Variants in KDM5A observed in about 807,000 individuals in gnomAD.
KDM5A encodes lysine demethylase 5A.
KDM5A carries 42 observed loss-of-function variants against 193.5 expected under a neutral mutation model. The ratio of observed to expected loss-of-function variants is 0.22; its 90% CI spans 0.17 to 0.28. KDM5A has a LOEUF of 0.28. Ranked by LOEUF, KDM5A falls within the 10% of genes least tolerant of loss-of-function variation. The pLI is 1.00. For missense variants in KDM5A, 1,692 were observed against 2,055.1 expected, an observed-to-expected ratio of 0.82 and a Z score of 3.42; for synonymous variants, 796 against 718.1, an observed-to-expected ratio of 1.11 and a Z score of -1.73.
intron 3 of KDM5A, among the ~76,000 whole-genome samples, chr12:368,836 C>T (rs1249926009): frequency 1.3e-5 from 2 of 152,168 alleles, no homozygotes; most frequent in Non-Finnish European, 2.9e-5. Context: ...GGTGCCTACA[C>T]CTCGTTATGA....
At chr12:310,687 C>T (rs902849805) in intron 21 of KDM5A, among the ~76,000 whole-genome samples, 198 bp downstream of exon 21, 1 of 152,092 alleles carries the variant, frequency 6.6e-6, no homozygotes, top group African/African-American at 2.4e-5. Context: ...CAAGCCAAGG[C>T]CGACTGCTTT....
chr12:289,899 C>CTT lies in KDM5A; in HGVS notation c.4866+2858_4866+2859dup, dbSNP rs1195329962. On this transcript the variant is annotated intron_variant, in intron 27 of 27. Coordinates refer to ENST00000399788, the MANE Select transcript of KDM5A (RefSeq NM_001042603.3). ...ACTGGGCTAAAAAGCATGATTTTTT[C>CTT]TTTCTTTCTTTTTTTTTTTTTTTTT... Among the ~76,000 whole-genome samples, 111 of 78,162 alleles carry CTT rather than the reference C, an allele frequency of 1.4e-3. 1 individual carries two copies. Among genetic ancestry groups the CTT allele is most frequent in the African/African-American group, 4.8e-3 (109 of 22,674 alleles). 51.3% of individuals were successfully genotyped at this position (78,162 alleles called of 152,430 possible).
intron 10 of KDM5A, among the ~76,000 whole-genome samples, chr12:340,044 T>C (rs1943981059): frequency 6.6e-6 from 1 of 151,754 alleles, no homozygotes; most frequent in South Asian, 2.1e-4. Context: ...CCCAGCTAAT[T>C]TTTGTATTTA....
intron 10 of KDM5A, among the ~76,000 whole-genome samples, chr12:336,852 T>A (rs1177726927): frequency 7.3e-5 from 11 of 151,260 alleles, no homozygotes; most frequent in Admixed American, 7.3e-4. Flanking sequence ...AAAAAAAAGT[T>A]ACAATACAAG....
chr12:384,734 C>T (rs1860360), intron 2 of KDM5A, among the ~76,000 whole-genome samples: 119,981 of 152,230 alleles, frequency 0.79, 47,510 homozygotes, highest in African/African-American at 0.85. Context: ...TGGTTTAACT[C>T]TATGCTGATC....
Position 280,930 on chromosome 12 carries a change from T to C in KDM5A, c.*4526A>G. ...TTTATTTTATAGTTAGCAAATGAAA[T>C]TAGAAACTGCTTTGGCACAGGTCAA... is the stretch of plus-strand genomic sequence containing the variant. On this transcript the variant is annotated 3_prime_UTR_variant, in exon 28 of 28. Coordinates refer to ENST00000399788, the MANE Select transcript of KDM5A (RefSeq NM_001042603.3). 4.3e-6 allele frequency: 1 copy of C among 233,038 alleles called. No individual in the cohort carries two copies. The highest frequency in any genetic ancestry group is 8.5e-6 in the Non-Finnish European group (1 of 117,910). The allele number at this position is 233,038 out of a possible 1,614,324, so 14.4% of individuals were successfully genotyped here.
intron 3 of KDM5A, among the ~76,000 whole-genome samples, chr12:381,545 G>A (rs1178551668): frequency 6.6e-6 from 1 of 151,590 alleles, no homozygotes. Context: ...TTCTTAAGAT[G>A]AATTTTTATC....
intron 9 of KDM5A, 33 bp downstream of exon 9, chr12:352,172 T>TCCCC: frequency 9.5e-7 from 1 of 1,056,394 alleles, no homozygotes; most frequent in Non-Finnish European, 1.4e-6. Flanking sequence ...TCTTTGTACC[T>TCCCC]CCCCGGACCG....
chr12:288,908 A>G (rs1943253449), intron 27 of KDM5A, among the ~76,000 whole-genome samples: 1 of 152,236 alleles, frequency 6.6e-6, no homozygotes, highest in Non-Finnish European at 1.5e-5. Context: ...CTAGCTCAAC[A>G]TCATGCGCGT....
At chr12:305,043 A>G (rs973423873) in intron 24 of KDM5A, among the ~76,000 whole-genome samples, 2 of 152,188 alleles carry the variant, frequency 1.3e-5, no homozygotes, top group African/African-American at 4.8e-5. Flanking sequence ...TTAAGAATGT[A>G]CCGCTGTGTG....
In KDM5A at chr12:384,127, G is replaced by C; in HGVS notation, c.270C>G (p.Phe90Leu). Reference protein sequence around the residue: ...LEAMTRVRLDFLDQLAKFWEL... With the variant: ...LEAMTRVRLDLLDQLAKFWEL... ...CCCAAAATTTTGCTAGTTGATCCAA[G>C]AAATCCAATCTCACTCTGGTCATTG... is the stretch of plus-strand genomic sequence containing the variant. Residue 90 changes from phenylalanine (F) to leucine (L), a missense_variant, in exon 3 of 28, where the codon TTC (phenylalanine) becomes TTG (leucine). Around this residue, in one of 11 missense-constraint regions of KDM5A, gnomAD observed 120 missense variants for 172.0 expected, o/e 0.70. Coordinates refer to ENST00000399788, the MANE Select transcript of KDM5A (RefSeq NM_001042603.3). 5 of 1,598,680 alleles carry C rather than the reference G, an allele frequency of 3.1e-6. No individual in the cohort carries two copies. The highest frequency in any genetic ancestry group is 4.3e-6 in the Non-Finnish European group (5 of 1,165,960).
intron 24 of KDM5A, among the ~76,000 whole-genome samples, chr12:297,760 A>G (rs1943391581): frequency 6.6e-6 from 1 of 152,244 alleles, no homozygotes; most frequent in African/African-American, 2.4e-5. Flanking sequence ...CAAGCGTTGA[A>G]AAAAACTTGT....
intron 14 of KDM5A, among the ~76,000 whole-genome samples, chr12:325,436 A>G (rs1316598240): frequency 6.6e-6 from 1 of 152,120 alleles, no homozygotes; most frequent in Non-Finnish European, 1.5e-5. Context: ...TAATCCCACC[A>G]CTTTGGGAGG....
In KDM5A at chr12:374,457, C is replaced by G. The variant is rs1287999248; in HGVS notation, c.367-8353G>C. ...CTTCCTCCATCCCTTTATTTTGAGCCTGTGTGTGTCTCTGCATGTGAGATG... is the reference window on the plus strand; with the variant it reads ...CTTCCTCCATCCCTTTATTTTGAGCGTGTGTGTGTCTCTGCATGTGAGATG... On this transcript the variant is annotated intron_variant, in intron 3 of 27. Coordinates refer to ENST00000399788, the MANE Select transcript of KDM5A (RefSeq NM_001042603.3). Among the ~76,000 whole-genome samples the G allele has an allele frequency of 5.3e-5, 8 of 152,238 alleles. 1 individual carries two copies. The South Asian group carries it at 1.4e-3, about 28-fold the overall frequency.
chr12:311,960 G>A (rs1029916470), intron 20 of KDM5A, among the ~76,000 whole-genome samples: 1 of 152,180 alleles, frequency 6.6e-6, no homozygotes, highest in African/African-American at 2.4e-5. Flanking sequence ...CTTGAACCCA[G>A]GAGGCAGAGG....
intron 14 of KDM5A, among the ~76,000 whole-genome samples, chr12:327,157 G>T (rs1295003954): frequency 6.6e-6 from 1 of 152,166 alleles, no homozygotes; most frequent in Admixed American, 6.5e-5. Flanking sequence ...TTAAAGAAGG[G>T]TCTATAGAGA....
In KDM5A at chr12:283,985, A is replaced by C. The variant is rs746682643; in HGVS notation, c.*1471T>G. ...AAGAGCCAGCACAGACTAGAGTGAG[A>C]CCAAGTTTCCCAACAGACAGGGACA... On this transcript the variant is annotated 3_prime_UTR_variant, in exon 28 of 28. Coordinates refer to ENST00000399788, the MANE Select transcript of KDM5A (RefSeq NM_001042603.3). 1 of 233,402 alleles carries C rather than the reference A, an allele frequency of 4.3e-6. No individual in the cohort carries two copies. The highest frequency in any genetic ancestry group is 8.5e-6 in the Non-Finnish European group (1 of 117,966). The allele number at this position is 233,402 out of a possible 1,614,324, so 14.5% of individuals were successfully genotyped here.
chr12:318,532 T>C (rs140113284), intron 18 of KDM5A, 71 bp from the exon 19 acceptor site: 6 of 1,120,970 alleles, frequency 5.4e-6, no homozygotes, highest in East Asian at 4.8e-5. Context: ...GAAATAGACA[T>C]AGTCAAGGCA....
At chr12:299,133 T>C (rs1439057650) in intron 24 of KDM5A, among the ~76,000 whole-genome samples, 1 of 152,120 alleles carries the variant, frequency 6.6e-6, no homozygotes, top group East Asian at 1.9e-4. Context: ...TTCAGGATAT[T>C]ATCCAGGAGA....
Sources: gnomAD v4.1 joint callset for allele counts (sites outside exome capture counted in the v4.1 genomes callset) on GRCh38, gnomAD v4.1.1 for gene constraint, gnomAD v4.1.1 regional missense constraint, MANE v1.5 for transcripts, NCBI Gene and HGNC (gene_info 2026-07-23, HGNC 2026-07-21) for gene names.